BLTP2: variants seen among roughly 807,000 people sequenced by gnomAD.
The protein encoded by BLTP2 is bridge-like lipid transfer protein family member 2.
At chr17:28,621,228 A>T in the BLTP2 span, 1 of 1,550,478 alleles carries the variant, frequency 6.4e-7, no homozygotes, top group Non-Finnish European at 8.9e-7. Flanking sequence ...ATAATGTGAG[A>T]GCCTCCCAGC....
chr17:28,644,358 G>A, the BLTP2 span, among the ~76,000 whole-genome samples: 1 of 152,208 alleles, frequency 6.6e-6, no homozygotes, highest in African/African-American at 2.4e-5. Flanking sequence ...CGCTGATCAA[G>A]ATCCTAGCTC....
At chr17:28,629,403 G>A in the BLTP2 span, among the ~76,000 whole-genome samples, 1 of 151,940 alleles carries the variant, frequency 6.6e-6, no homozygotes, top group African/African-American at 2.4e-5. Flanking sequence ...CGATTCTCAT[G>A]CTTCAGTCTC....
At chr17:28,638,152 C>T in the BLTP2 span, 2 of 1,598,708 alleles carry the variant, frequency 1.3e-6, no homozygotes, top group East Asian at 2.2e-5. Context: ...TTTTATAATG[C>T]CCTAATGCAC....
At chr17:28,638,479 C>T in the BLTP2 span, 1,452 of 1,596,038 alleles carry the variant, frequency 9.1e-4, 63 homozygotes, top group East Asian at 0.032. Flanking sequence ...GGCCTAGCTC[C>T]ACTAACGGAC....
At chr17:28,645,075 C>A in the BLTP2 span, 6 of 1,573,788 alleles carry the variant, frequency 3.8e-6, no homozygotes, top group Non-Finnish European at 5.2e-6. Context: ...GGGTCCGGCC[C>A]GGCTTGGCCC....
the BLTP2 span, chr17:28,639,412 T>C: frequency 5.6e-6 from 9 of 1,613,638 alleles, no homozygotes; most frequent in Non-Finnish European, 7.6e-6. Flanking sequence ...CGGTAGTGAA[T>C]GATGCAAGTG....
At chr17:28,617,209 A>C in the BLTP2 span, 1 of 1,595,916 alleles carries the variant, frequency 6.3e-7, no homozygotes, top group Non-Finnish European at 8.6e-7. Context: ...CAAATGGACT[A>C]GGAAAGGGGA....
the BLTP2 span, chr17:28,621,366 A>C: frequency 6.4e-7 from 1 of 1,560,608 alleles, no homozygotes; most frequent in South Asian, 1.1e-5. Context: ...ATCTGCTCCT[A>C]ATCATTTGAT....
chr17:28,637,997 G>C, the BLTP2 span: 14 of 1,614,098 alleles, frequency 8.7e-6, no homozygotes, highest in African/African-American at 1.3e-5. Context: ...TTGGGCACAG[G>C]TATCTGATGC....
the BLTP2 span, chr17:28,638,228 C>T: frequency 1.2e-5 from 20 of 1,607,152 alleles, no homozygotes; most frequent in Admixed American, 1.7e-5. Flanking sequence ...GTGCAGGCCC[C>T]TATTCACCAA....
At chr17:28,614,457 A>G in the BLTP2 span, 361 of 447,890 alleles carry the variant, frequency 8.1e-4, 1 homozygote, top group Non-Finnish European at 1.2e-3. Context: ...CAAATTTAAA[A>G]TATCTTTTTT....
the BLTP2 span, among the ~76,000 whole-genome samples, chr17:28,626,561 C>T: frequency 6.6e-6 from 1 of 152,156 alleles, no homozygotes; most frequent in Non-Finnish European, 1.5e-5. Flanking sequence ...ATTTTCAGCC[C>T]CCCACCCAAC....
the BLTP2 span, among the ~76,000 whole-genome samples, chr17:28,622,095 G>A: frequency 6.6e-6 from 1 of 152,138 alleles, no homozygotes; most frequent in African/African-American, 2.4e-5. Context: ...AGCCTGAGGG[G>A]GGCGGGGGGA....
At chr17:28,626,359 G>GT in the BLTP2 span, among the ~76,000 whole-genome samples, 2 of 152,156 alleles carry the variant, frequency 1.3e-5, no homozygotes, top group African/African-American at 4.8e-5. Context: ...AAAAGAGACT[G>GT]TTTACTCTCT....
the BLTP2 span, chr17:28,632,916 C>T: frequency 6.7e-7 from 1 of 1,481,624 alleles, no homozygotes; most frequent in Non-Finnish European, 9.0e-7. Context: ...GCCCTTCCTC[C>T]CCACTGCCCC....
At chr17:28,621,094 G>C in the BLTP2 span, 1 of 1,614,048 alleles carries the variant, frequency 6.2e-7, no homozygotes, top group Non-Finnish European at 8.5e-7. Context: ...AACTAATATA[G>C]TACATTCGGC....
the BLTP2 span, chr17:28,638,513 G>T: frequency 6.2e-7 from 1 of 1,602,682 alleles, no homozygotes; most frequent in Non-Finnish European, 8.5e-7. Context: ...TATTCCATCT[G>T]AGAGCCTTAC....
At chr17:28,636,915 TA>T in the BLTP2 span, 1 of 1,393,944 alleles carries the variant, frequency 7.2e-7, no homozygotes, top group African/African-American at 1.4e-5. Flanking sequence ...AGAAAGGCTC[TA>T]AGCTGAGGAA....
At chr17:28,631,976 G>A in the BLTP2 span, 142 of 1,605,556 alleles carry the variant, frequency 8.8e-5, 1 homozygote, top group East Asian at 2.9e-3. Flanking sequence ...ATGATTAAGG[G>A]ACTCAATATG....
Sources: gnomAD v4.1 joint callset for allele counts (sites outside exome capture counted in the v4.1 genomes callset) on GRCh38, gnomAD v4.1.1 for gene constraint, MANE v1.5 for transcripts, NCBI Gene and HGNC (gene_info 2026-07-23, HGNC 2026-07-21) for gene names.